Variants in REXO5 observed in about 807,000 individuals in gnomAD.
REXO5 encodes the protein exonuclease NEF-sp.
REXO5 carries 48 observed loss-of-function variants against 88.5 expected under a neutral mutation model. That is an observed-to-expected ratio of 0.54 (90% CI 0.43 to 0.69). The LOEUF (loss-of-function observed/expected upper bound fraction) is 0.69. Among genes scored for constraint, REXO5 ranks in the 30% least tolerant of loss-of-function variants. REXO5 has a pLI of 0.00. For missense variants in REXO5, 749 were observed against 912.2 expected (o/e 0.82, Z 2.30); for synonymous variants, 311 against 336.5 (o/e 0.92, Z 0.83).
intron 11 of REXO5, among the ~76,000 whole-genome samples, chr16:20,829,273 AT>A (rs2081305624): frequency 6.6e-6 from 1 of 152,142 alleles, no homozygotes; most frequent in African/African-American, 2.4e-5. Flanking sequence ...ACTAAGCACT[AT>A]CCTGGTGGTG....
intron 8 of REXO5, 29 bp from the exon 9 acceptor site, chr16:20,827,029 C>A (rs1178165508): frequency 1.9e-6 from 3 of 1,612,200 alleles, no homozygotes; most frequent in Non-Finnish European, 2.5e-6. Flanking sequence ...AATATCCTAG[C>A]CTGTCCATTT....
chr16:20,834,333 C>T (rs1000766602), intron 13 of REXO5, among the ~76,000 whole-genome samples: 20 of 152,136 alleles, frequency 1.3e-4, no homozygotes, highest in African/African-American at 4.1e-4. Flanking sequence ...TAAGAACATG[C>T]CAGTATCGCT....
intron 13 of REXO5, among the ~76,000 whole-genome samples, chr16:20,833,413 C>T (rs1353026070): frequency 6.6e-6 from 1 of 152,130 alleles, no homozygotes; most frequent in East Asian, 1.9e-4. Flanking sequence ...TGGTTTTGAG[C>T]CTGGCTATAT....
rs142483399 is a variant in REXO5, at chr16:20,824,147, T to C, written c.617-292T>C. 1.3e-3 allele frequency among the ~76,000 whole-genome samples: 205 copies of C among 152,320 alleles called. 1 individual carries two copies. Among genetic ancestry groups the C allele is most frequent in the African/African-American group, 4.7e-3 (196 of 41,570 alleles). On this transcript the variant is annotated intron_variant, in intron 6 of 19. Transcript: ENST00000261377. ...TTTGGGTTTAGCCATGATTTAGTTA[T>C]CTCTTTTCTCATGAGGAGGAAAAAT...
At position 20,806,696 on chromosome 16, in the gene REXO5, T is replaced by A; in HGVS notation, c.-12T>A. 9.7e-7 allele frequency: 1 copy of A among 1,028,558 alleles called. No homozygotes were observed. The highest frequency in any genetic ancestry group is 1.4e-6 in the Non-Finnish European group (1 of 730,434). 63.7% of individuals were successfully genotyped at this position (1,028,558 alleles called of 1,614,324 possible). The stretch of plus-strand genomic sequence containing the variant: ...CCCGTTGTAGCCGTTGGGGAACCGT[T>A]GAGAATCCGGTAACCGATGCGGACG... On this transcript the variant is annotated 5_prime_UTR_variant, in exon 1 of 20. Coordinates refer to ENST00000261377, the MANE Select transcript of REXO5 (RefSeq NM_030941.3).
intron 5 of REXO5, chr16:20,821,094 A>C (rs1259187281): frequency 2.0e-5 from 3 of 152,266 alleles, no homozygotes; most frequent in African/African-American, 7.2e-5. Context: ...GAGTATATTT[A>C]GCTAGAATGA....
At chr16:20,844,231 G>A (rs754956259) in intron 16 of REXO5, among the ~76,000 whole-genome samples, 1 of 152,160 alleles carries the variant, frequency 6.6e-6, no homozygotes, top group Non-Finnish European at 1.5e-5. Flanking sequence ...ATCATCCTGG[G>A]CTAGATTTGG....
intron 3 of REXO5, 67 bp downstream of exon 3, chr16:20,813,369 C>G: frequency 1.3e-6 from 1 of 749,038 alleles, no homozygotes; most frequent in Non-Finnish European, 2.0e-6. Flanking sequence ...TTTTTTACCT[C>G]TCCCAAGCTC....
intron 15 of REXO5, among the ~76,000 whole-genome samples, chr16:20,843,361 A>G (rs1172256072): frequency 1.3e-5 from 2 of 152,172 alleles, no homozygotes; most frequent in African/African-American, 4.8e-5. Context: ...TTTGATATAC[A>G]AAAGGTTTTA....
chr16:20,831,992 C>G (rs1020552498), intron 11 of REXO5, among the ~76,000 whole-genome samples, 164 bp from the exon 12 acceptor site: 1 of 152,200 alleles, frequency 6.6e-6, no homozygotes, highest in East Asian at 1.9e-4. Flanking sequence ...ACTATTGAAG[C>G]CATCCCAGGG....
Position 20,816,172 on chromosome 16 carries a change from A to G in REXO5, c.435A>G (p.Gln145=), listed in dbSNP as rs774694630. 2 of 1,614,140 alleles carry G rather than the reference A, an allele frequency of 1.2e-6. No individual in the cohort carries two copies. Among genetic ancestry groups the G allele is most frequent in the East Asian group, 2.2e-5 (1 of 44,874 alleles). The part of the protein sequence containing the change: ...SDFLADVVGL[Q]TEQRAGDLPK... ...TTCTAGCTGATGTTGTTGGGCTACA[A>G]ACTGAACAAAGAGCTGGAGATCTGC... Residue 145 remains glutamine (Q), a synonymous_variant, in exon 5 of 20, where the codon CAA becomes CAG. Coordinates refer to ENST00000261377, the MANE Select transcript of REXO5 (RefSeq NM_030941.3).
At chr16:20,848,629 T>C (rs1473660460) in intron 19 of REXO5, among the ~76,000 whole-genome samples, 1 of 152,218 alleles carries the variant, frequency 6.6e-6, no homozygotes, top group Non-Finnish European at 1.5e-5. Context: ...AGATTCTGTG[T>C]TTGTCTTTGC....
At chr16:20,829,636 C>T (rs999609039) in intron 11 of REXO5, among the ~76,000 whole-genome samples, 1 of 152,210 alleles carries the variant, frequency 6.6e-6, no homozygotes. Context: ...AGCCACCACT[C>T]ACTGAGGTCT....
Position 20,840,318 on chromosome 16 carries a change from G to T in REXO5, c.1489-13G>T. On this transcript the variant is annotated splice_polypyrimidine_tract_variant and intron_variant, in intron 14 of 19. Coordinates refer to ENST00000261377, the MANE Select transcript of REXO5 (RefSeq NM_030941.3). ...ATTCATTCCCATACTATATTCTGTT[G>T]TTTTTCCTACAGATGAGGATCAAGT... is the stretch of plus-strand genomic sequence containing the variant. 6.6e-7 allele frequency: 1 copy of T among 1,518,676 alleles called. No homozygotes were observed. 94.1% of individuals were successfully genotyped at this position (1,518,676 alleles called of 1,614,324 possible).
At chr16:20,824,295 TATTTA>T in intron 6 of REXO5, 139 bp from the exon 7 acceptor site, 1 of 564,210 alleles carries the variant, frequency 1.8e-6, no homozygotes, top group Non-Finnish European at 3.1e-6. Context: ...GATTGTATCT[TATTTA>T]GTCATTGTAT....
chr16:20,820,943 A>C (rs2081174765), intron 5 of REXO5: 1 of 148,786 alleles, frequency 6.7e-6, no homozygotes, highest in Admixed American at 6.8e-5. Flanking sequence ...TCCCTCTGAG[A>C]ACATGTCTTG....
chr16:20,832,134 T>C, intron 11 of REXO5, 22 bp from the exon 12 acceptor site: 2 of 1,484,608 alleles, frequency 1.3e-6, no homozygotes, highest in East Asian at 2.3e-5. Flanking sequence ...AATTATATTT[T>C]TACCACTTTG....
intron 2 of REXO5, among the ~76,000 whole-genome samples, chr16:20,811,342 G>A (rs1466191514): frequency 1.3e-5 from 2 of 152,176 alleles, no homozygotes; most frequent in Admixed American, 6.5e-5. Context: ...TCCTAAGAAA[G>A]TAGATAGATG....
intron 16 of REXO5, 41 bp downstream of exon 16, chr16:20,844,067 C>A: frequency 2.5e-6 from 3 of 1,181,990 alleles, no homozygotes; most frequent in Non-Finnish European, 3.8e-6. Flanking sequence ...TGGGTCTGGC[C>A]TACCACAGCC....
Sources: allele counts gnomAD v4.1 joint callset (sites outside exome capture counted in the v4.1 genomes callset), GRCh38; gene constraint gnomAD v4.1.1; transcripts MANE v1.5; gene names NCBI Gene and HGNC (gene_info 2026-07-23, HGNC 2026-07-21).